The following IRAK1BP1 variants were observed in gnomAD, a reference collection of about 807,000 sequenced individuals.
The protein encoded by IRAK1BP1 is interleukin 1 receptor associated kinase 1 binding protein 1, also known as interleukin-1 receptor-associated kinase 1-binding protein 1.
IRAK1BP1 carries 24 observed loss-of-function variants against 28.0 expected under a neutral mutation model. The ratio of observed to expected loss-of-function variants is 0.86; its 90% CI spans 0.62 to 1.20. The LOEUF (loss-of-function observed/expected upper bound fraction) is 1.20, where lower values mean the gene tolerates loss of function less well. Among genes scored for constraint, IRAK1BP1 ranks in the 50% most tolerant of loss-of-function variants. IRAK1BP1 has a pLI of 0.00. For synonymous variants in IRAK1BP1, 131 were observed against 116.3 expected (o/e 1.13, Z -0.81); for missense variants, 336 against 316.7 (o/e 1.06, Z -0.46).
chr6:78,948,068 T>C (rs1186862078), downstream of IRAK1BP1, among the ~76,000 whole-genome samples: 1 of 151,410 alleles, frequency 6.6e-6, no homozygotes, highest in Non-Finnish European at 1.5e-5. Context: ...AGTAAAAGAG[T>C]AAGGAAAAAG....
rs1382975865 is a variant in IRAK1BP1, at chr6:78,899,569, G to A, written c.*1235G>A. The A allele has an allele frequency of 5.9e-5, 9 of 152,078 alleles. No individual in the cohort carries two copies. In the East Asian group the frequency reaches 1.7e-3, roughly 29 times the overall value. 9.4% of individuals were successfully genotyped at this position (152,078 alleles called of 1,614,324 possible). A position where few individuals can be genotyped will look rare whatever the true frequency, so the allele number is the denominator to read the frequency against. ...TATGTGTAATTTAAAATTTCCTAGTGCACATGTTTTTTTATTTTTCTTTTT... is the reference window on the plus strand; with the variant it reads ...TATGTGTAATTTAAAATTTCCTAGTACACATGTTTTTTTATTTTTCTTTTT... On this transcript the variant is annotated 3_prime_UTR_variant, in exon 4 of 4. Transcript: ENST00000369940.
chr6:78,958,243 T>C, the IRAK1BP1 span: 1 of 357,576 alleles, frequency 2.8e-6, no homozygotes, highest in Non-Finnish European at 5.0e-6. Context: ...AACACAATGG[T>C]AATACGATTT....
the IRAK1BP1 span, chr6:78,965,922 A>T: frequency 6.5e-7 from 1 of 1,544,776 alleles, no homozygotes; most frequent in African/African-American, 1.4e-5. Flanking sequence ...AGGTGAACTA[A>T]AATACAACAA....
At position 78,873,651 on chromosome 6, in the gene IRAK1BP1, T is replaced by A. The variant is rs1344040950; in HGVS notation, c.315+5760T>A. ...GCACCTCCATGCCCAGCTAATTTTT[T>A]ATAGAGACGGGGTCTTACTATGTTG... On this transcript the variant is annotated intron_variant, in intron 1 of 3. Transcript: ENST00000369940. Among the ~76,000 whole-genome samples, 4 of 152,002 alleles carry A rather than the reference T, an allele frequency of 2.6e-5. No homozygotes were observed. The East Asian group carries it at 7.7e-4, about 29-fold the overall frequency.
chr6:78,973,366 T>C, the IRAK1BP1 span, among the ~76,000 whole-genome samples: 1 of 148,272 alleles, frequency 6.7e-6, no homozygotes, highest in African/African-American at 2.5e-5. Context: ...CTACAAGAGC[T>C]CCTGAAGGAA....
chr6:78,970,852 C>T, the IRAK1BP1 span: 25 of 1,610,482 alleles, frequency 1.6e-5, no homozygotes, highest in Non-Finnish European at 2.0e-5. Flanking sequence ...CGGGCCATTT[C>T]GACATAGGCT....
At chr6:78,936,846 G>T (rs182791706) in intron 4 of IRAK1BP1, 1 of 151,800 alleles carries the variant, frequency 6.6e-6, no homozygotes. Context: ...AACAAAAATA[G>T]TTTCTTAGTA....
chr6:78,958,389 C>T, the IRAK1BP1 span: 5 of 881,392 alleles, frequency 5.7e-6, no homozygotes, highest in Non-Finnish European at 8.9e-6. Flanking sequence ...TTCTTCTTTA[C>T]AAACAGTATG....
At chr6:78,906,478 T>G (rs1772263784), downstream of IRAK1BP1, among the ~76,000 whole-genome samples, 2 of 152,248 alleles carry the variant, frequency 1.3e-5, no homozygotes, top group Admixed American at 6.5e-5. Context: ...AGAGCTAGTT[T>G]TTGAAAATAT....
chr6:78,965,841 T>C, the IRAK1BP1 span: 2 of 1,175,212 alleles, frequency 1.7e-6, no homozygotes, highest in Non-Finnish European at 2.5e-6. Context: ...ATTATCAAAA[T>C]AATTGCTTCT....
rs1047315530 is a variant in IRAK1BP1, at chr6:78,945,876, T to A, written c.*536T>A. 5.6e-6 allele frequency: 4 copies of A among 711,560 alleles called. No homozygotes were observed. In the African/African-American group the frequency reaches 7.2e-5, roughly 13 times the overall value. 44.1% of individuals were successfully genotyped at this position (711,560 alleles called of 1,614,324 possible). A position where few individuals can be genotyped will look rare whatever the true frequency, so the allele number is the denominator to read the frequency against. On this transcript the variant is annotated 3_prime_UTR_variant and NMD_transcript_variant, in exon 5 of 5. Coordinates refer to the IRAK1BP1 transcript ENST00000606868. Reference sequence around the variant, plus strand: ...ACTTTTTTTTAAAATAGGAAATTAATAAAGAAGGCAAAAACAACAGTGTCT... The same window carrying A: ...ACTTTTTTTTAAAATAGGAAATTAAAAAAGAAGGCAAAAACAACAGTGTCT...
rs115278417 is a variant in IRAK1BP1 at position 78,915,747 on chromosome 6, C to T, written c.*67+12637C>T. Among the ~76,000 whole-genome samples the T allele has an allele frequency of 1.8e-3, 267 of 152,330 alleles. 1 individual carries two copies. The highest frequency in any genetic ancestry group is 6.1e-3 in the African/African-American group (254 of 41,582). Reference sequence around the variant, plus strand: ...CATGACAGCCTGAAAGACCTCCCAGCCTTTCCTGGCTCCCTTCCCACTTTC... The same window carrying T: ...CATGACAGCCTGAAAGACCTCCCAGTCTTTCCTGGCTCCCTTCCCACTTTC... On this transcript the variant is annotated intron_variant and NMD_transcript_variant, in intron 4 of 4. Coordinates refer to the IRAK1BP1 transcript ENST00000606868.
chr6:78,931,720 T>C (rs1337246698), intron 4 of IRAK1BP1, among the ~76,000 whole-genome samples: 2 of 152,242 alleles, frequency 1.3e-5, no homozygotes, highest in Non-Finnish European at 2.9e-5. Context: ...CTAATGATCA[T>C]CTGAGCTTTC....
chr6:78,893,881 C>T (rs928672824), intron 2 of IRAK1BP1, among the ~76,000 whole-genome samples: 7 of 151,376 alleles, frequency 4.6e-5, no homozygotes, highest in Non-Finnish European at 8.8e-5. Context: ...CCAGCCTGGG[C>T]GACAGAGCAA....
chr6:78,941,658 G>C (rs1429493666), intron 4 of IRAK1BP1, among the ~76,000 whole-genome samples: 1 of 151,984 alleles, frequency 6.6e-6, no homozygotes, highest in East Asian at 1.9e-4. Context: ...GTTACTCTTG[G>C]TCAAAAACTT....
At chr6:78,935,216 T>C (rs921363765) in intron 4 of IRAK1BP1, among the ~76,000 whole-genome samples, 4 of 152,184 alleles carry the variant, frequency 2.6e-5, no homozygotes, top group Non-Finnish European at 5.9e-5. Flanking sequence ...TTTTTTTACC[T>C]TCCTTCCTCA....
rs575365243 is a variant in IRAK1BP1, at chr6:78,896,346, A to C, written c.382-1483A>C. On this transcript the variant is annotated intron_variant, in intron 2 of 3. Coordinates refer to ENST00000369940, the MANE Select transcript of IRAK1BP1 (RefSeq NM_001010844.4). The stretch of plus-strand genomic sequence containing the variant: ...AACCTAAATGGAAAAAAAAAAAAAA[A>C]AACAACCTGTGATTAGATCATGTAA... 1.5e-3 allele frequency among the ~76,000 whole-genome samples: 229 copies of C among 152,126 alleles called. 2 individuals are homozygous for C. In the Middle Eastern group the frequency reaches 0.041, roughly 27 times the overall value.
chr6:78,894,276 C>T (rs1226122847), intron 2 of IRAK1BP1, among the ~76,000 whole-genome samples: 3 of 152,202 alleles, frequency 2.0e-5, no homozygotes, highest in Non-Finnish European at 4.4e-5. Context: ...AAATGGTCCA[C>T]ATACCTTCAT....
At chr6:78,930,327 A>G (rs1773009734) in intron 4 of IRAK1BP1, among the ~76,000 whole-genome samples, 1 of 152,208 alleles carries the variant, frequency 6.6e-6, no homozygotes, top group African/African-American at 2.4e-5. Context: ...TATAAGCAAC[A>G]CTGAAATACT....
Sources: allele counts gnomAD v4.1 joint callset (sites outside exome capture counted in the v4.1 genomes callset), GRCh38; gene constraint gnomAD v4.1.1; transcripts MANE v1.5; gene names NCBI Gene and HGNC (gene_info 2026-07-23, HGNC 2026-07-21).